The following PTPRD variants were observed in gnomAD, a reference collection of about 807,000 sequenced individuals.
PTPRD encodes the protein protein tyrosine phosphatase receptor type D.
A neutral mutation model predicts 214.5 loss-of-function variants in PTPRD; 34 were observed. The observed-to-expected ratio is 0.16, with a 90% CI of 0.12 to 0.21. PTPRD has a LOEUF of 0.21. PTPRD is among the 10% of genes least tolerant of loss of function. PTPRD has a pLI of 1.00. For missense variants in PTPRD, 2,545 were observed against 2,398.7 expected (o/e 1.06, Z -1.27); for synonymous variants, 1,128 against 845.7 (o/e 1.33, Z -5.79).
At chr9:10,467,711 G>A (rs948898866) in intron 2 of PTPRD, among the ~76,000 whole-genome samples, 1 of 152,156 alleles carries the variant, frequency 6.6e-6, no homozygotes, top group Admixed American at 6.6e-5. Context: ...GATGCAAATT[G>A]TAATGGAGTA....
At chr9:9,960,979 C>T (rs548365822) in intron 4 of PTPRD, among the ~76,000 whole-genome samples, 2 of 152,100 alleles carry the variant, frequency 1.3e-5, no homozygotes, top group South Asian at 4.2e-4. Context: ...AAACAAACAA[C>T]CCCATCAACA....
chr9:10,367,728 T>C (rs2097540618), intron 2 of PTPRD, among the ~76,000 whole-genome samples: 2 of 152,094 alleles, frequency 1.3e-5, no homozygotes, highest in African/African-American at 4.8e-5. Flanking sequence ...TTCTCTCCTC[T>C]AAGCTCTTAG....
intron 5 of PTPRD, among the ~76,000 whole-genome samples, chr9:9,915,127 G>T (rs978912363): frequency 6.6e-6 from 1 of 152,130 alleles, no homozygotes; most frequent in African/African-American, 2.4e-5. Context: ...TTTAGCATGG[G>T]TTAGAGCTGT....
chr9:10,456,137 T>C (rs1427429530), intron 2 of PTPRD, among the ~76,000 whole-genome samples: 2 of 151,886 alleles, frequency 1.3e-5, no homozygotes, highest in Non-Finnish European at 2.9e-5. Flanking sequence ...CTTCAGACTC[T>C]GTTCCATTCA....
chr9:9,532,372 T>C (rs1488956172), intron 8 of PTPRD, among the ~76,000 whole-genome samples: 1 of 152,204 alleles, frequency 6.6e-6, no homozygotes, highest in Non-Finnish European at 1.5e-5. Flanking sequence ...AAGTAAATTC[T>C]AGCAATCTGA....
At chr9:10,287,662 T>C (rs1565049175) in intron 3 of PTPRD, among the ~76,000 whole-genome samples, 1 of 152,220 alleles carries the variant, frequency 6.6e-6, no homozygotes, top group Admixed American at 6.5e-5. Context: ...TCTCTTCTAC[T>C]GGGCAGGATT....
chr9:10,156,230 T>C (rs1323122216), intron 3 of PTPRD, among the ~76,000 whole-genome samples: 2 of 151,930 alleles, frequency 1.3e-5, no homozygotes, highest in East Asian at 3.9e-4. Context: ...TGATGTTAGG[T>C]TGTTAATTTG....
At chr9:9,799,460 T>C (rs971934444) in intron 5 of PTPRD, 3 of 152,162 alleles carry the variant, frequency 2.0e-5, no homozygotes, top group African/African-American at 7.2e-5. Flanking sequence ...CCAGGCCAAA[T>C]ACTTCTAAAA....
In PTPRD at chr9:10,360,969, C is replaced by G. The variant is rs368931130; in HGVS notation, c.-599-19952G>C. On this transcript the variant is annotated intron_variant, in intron 2 of 45. Coordinates refer to ENST00000381196, the MANE Select transcript of PTPRD (RefSeq NM_002839.4). Reference sequence around the variant, plus strand: ...TACAAAAAATTAGCCGGGCGTGGTGCCGGGCGCCTGTAGTCCCAGCTACTC... The same window carrying G: ...TACAAAAAATTAGCCGGGCGTGGTGGCGGGCGCCTGTAGTCCCAGCTACTC... Among the ~76,000 whole-genome samples the G allele has an allele frequency of 6.0e-3, 915 of 151,870 alleles. 8 individuals carry two copies. Among genetic ancestry groups the G allele is most frequent in the East Asian group, 0.016 (83 of 5,126 alleles).
chr9:10,523,601 G>GTCTATATATATA lies in PTPRD; in HGVS notation c.-600+88796_-600+88797insTATATATATAGA, dbSNP rs1459526758. 3.3e-4 allele frequency among the ~76,000 whole-genome samples: 21 copies of GTCTATATATATA among 64,352 alleles called. 1 individual carries two copies. The highest frequency in any genetic ancestry group is 8.7e-4 in the African/African-American group (17 of 19,652). 42.2% of individuals were successfully genotyped at this position (64,352 alleles called of 152,430 possible). A position where few individuals can be genotyped will look rare whatever the true frequency, so the allele number is the denominator to read the frequency against. The stretch of plus-strand genomic sequence containing the variant: ...CAATATTTTTCAAGTATATTTATCT[G>GTCTATATATATA]TATATATATATATATATATATAGAC... On this transcript the variant is annotated intron_variant, in intron 2 of 45. Transcript: ENST00000381196.
chr9:9,771,569 C>G (rs1440359960), intron 5 of PTPRD, among the ~76,000 whole-genome samples: 3 of 152,170 alleles, frequency 2.0e-5, no homozygotes, highest in Non-Finnish European at 2.9e-5. Flanking sequence ...CAGAGTTACT[C>G]CACATCACCT....
chr9:8,747,248 T>C (rs890105218), intron 11 of PTPRD, among the ~76,000 whole-genome samples: 1 of 152,146 alleles, frequency 6.6e-6, no homozygotes, highest in Non-Finnish European at 1.5e-5. Flanking sequence ...ATGTGCTTAC[T>C]TCACTAATAG....
chr9:9,383,726 C>T (rs143216115), intron 9 of PTPRD, among the ~76,000 whole-genome samples: 6 of 152,158 alleles, frequency 3.9e-5, no homozygotes, highest in African/African-American at 1.4e-4. Context: ...AGTCCTGCTG[C>T]AGTAGCAAAC....
At chr9:9,764,948 A>C (rs1265790089) in intron 6 of PTPRD, among the ~76,000 whole-genome samples, 1 of 152,200 alleles carries the variant, frequency 6.6e-6, no homozygotes, top group African/African-American at 2.4e-5. Context: ...TTGAAGCTGC[A>C]CATCCATGGG....
chr9:10,452,600 A>C (rs1405566087), intron 2 of PTPRD, among the ~76,000 whole-genome samples: 2 of 151,778 alleles, frequency 1.3e-5, no homozygotes, highest in Non-Finnish European at 3.0e-5. Flanking sequence ...TTAATGATTT[A>C]CCTAGTGGCC....
At chr9:9,515,200 T>C (rs1405864163) in intron 8 of PTPRD, among the ~76,000 whole-genome samples, 1 of 152,092 alleles carries the variant, frequency 6.6e-6, no homozygotes, top group Admixed American at 6.6e-5. Context: ...AACACTTCAA[T>C]CTATGCCTGT....
chr9:8,678,991 C>A (rs16928255), intron 12 of PTPRD, among the ~76,000 whole-genome samples: 1,825 of 152,242 alleles, frequency 0.012, 28 homozygotes, highest in East Asian at 0.059. Flanking sequence ...TGTCACAATG[C>A]AAATCAGAAA....
At chr9:8,608,655 T>C (rs1490648774) in intron 14 of PTPRD, among the ~76,000 whole-genome samples, 2 of 152,100 alleles carry the variant, frequency 1.3e-5, no homozygotes, top group African/African-American at 4.8e-5. Flanking sequence ...TACTGGAAAA[T>C]CACGGCGTTT....
At chr9:10,419,485 GA>G (rs2098526288) in intron 2 of PTPRD, among the ~76,000 whole-genome samples, 1 of 151,794 alleles carries the variant, frequency 6.6e-6, no homozygotes, top group Admixed American at 6.6e-5. Flanking sequence ...CTGAGATAAA[GA>G]TAAAACAGCA....
Sources: allele counts gnomAD v4.1 joint callset (sites outside exome capture counted in the v4.1 genomes callset), GRCh38; gene constraint gnomAD v4.1.1; transcripts MANE v1.5; gene names NCBI Gene and HGNC (gene_info 2026-07-23, HGNC 2026-07-21).